The following STPG2 variants were observed in gnomAD, a reference collection of about 807,000 sequenced individuals.
STPG2 encodes sperm tail PG-rich repeat containing 2.
In STPG2, 56 loss-of-function variants were observed where a neutral mutation model predicts 54.2. The ratio of observed to expected loss-of-function variants is 1.03; its 90% CI spans 0.83 to 1.29. The LOEUF is 1.29. Among genes scored for constraint, STPG2 ranks in the 50% most tolerant of loss-of-function variants. The pLI is 0.00. For synonymous variants in STPG2, 200 were observed against 181.8 expected, an observed-to-expected ratio of 1.10 and a Z score of -0.81; for missense variants, 596 against 544.9, an observed-to-expected ratio of 1.09 and a Z score of -0.93.
intron 4 of STPG2, among the ~76,000 whole-genome samples, chr4:97,513,080 C>A (rs1372855082): frequency 6.6e-6 from 1 of 152,114 alleles, no homozygotes; most frequent in Non-Finnish European, 1.5e-5. Context: ...TTCCATGACT[C>A]CTTTCTTGGA....
chr4:97,448,957 CATTA>C (rs1480611202), intron 4 of STPG2, among the ~76,000 whole-genome samples: 1 of 152,122 alleles, frequency 6.6e-6, no homozygotes, highest in African/African-American at 2.4e-5. Flanking sequence ...TATTATTTTA[CATTA>C]ATTAATAATG....
At chr4:97,956,383 T>A (rs1238828458) in intron 7 of STPG2, among the ~76,000 whole-genome samples, 2 of 151,938 alleles carry the variant, frequency 1.3e-5, no homozygotes, top group Admixed American at 1.3e-4. Context: ...CAGAAAGAGA[T>A]AAGAAAAAGT....
intron 8 of STPG2, among the ~76,000 whole-genome samples, chr4:97,892,705 C>T (rs917958240): frequency 2.6e-5 from 4 of 152,182 alleles, no homozygotes; most frequent in Admixed American, 6.5e-5. Flanking sequence ...CATGTAGATG[C>T]TGAGCACATG....
At chr4:97,561,824 T>C (rs1199530844) in intron 10 of STPG2, among the ~76,000 whole-genome samples, 1 of 152,234 alleles carries the variant, frequency 6.6e-6, no homozygotes, top group Non-Finnish European at 1.5e-5. Flanking sequence ...ACCAGTACCA[T>C]GCTGTTTTGG....
intron 8 of STPG2, among the ~76,000 whole-genome samples, chr4:97,894,226 T>A (rs780570907): frequency 1.3e-5 from 2 of 151,946 alleles, no homozygotes; most frequent in Non-Finnish European, 2.9e-5. Flanking sequence ...TTTTTTGTAA[T>A]ACAGGTGACT....
chr4:97,798,754 C>G (rs374325563), intron 9 of STPG2, among the ~76,000 whole-genome samples: 78 of 88,800 alleles, frequency 8.8e-4, no homozygotes, highest in East Asian at 1.8e-3. Flanking sequence ...CTTTCTGTCT[C>G]GTTGATCTGT....
intron 10 of STPG2, among the ~76,000 whole-genome samples, chr4:97,665,167 G>A (rs1722486941): frequency 1.3e-5 from 2 of 152,168 alleles, no homozygotes; most frequent in African/African-American, 4.8e-5. Context: ...GCTCCCCAAA[G>A]GTCTGTAGCT....
intron 4 of STPG2, among the ~76,000 whole-genome samples, chr4:97,539,835 A>T (rs565424518): frequency 5.4e-4 from 82 of 152,188 alleles, no homozygotes; most frequent in African/African-American, 1.2e-3. Context: ...ACTCAAAACC[A>T]CTCAACTACA....
intron 9 of STPG2, among the ~76,000 whole-genome samples, chr4:97,773,650 T>C (rs935886101): frequency 6.6e-6 from 1 of 152,070 alleles, no homozygotes; most frequent in African/African-American, 2.4e-5. Flanking sequence ...GCAAAAATAG[T>C]CACATTTTAT....
Position 97,463,973 on chromosome 4 carries a change from C to T in STPG2, c.462+248726G>A, listed in dbSNP as rs563576528. Among the ~76,000 whole-genome samples, 45 of 152,170 alleles carry T rather than the reference C, an allele frequency of 3.0e-4. No individual in the cohort carries two copies. In the East Asian group the frequency reaches 7.7e-3, roughly 26 times the overall value. On this transcript the variant is annotated intron_variant, in intron 4 of 4. Coordinates refer to the STPG2 transcript ENST00000522676. ...TCCTTTCTATTGCTGTATAGTATTC[C>T]GTTACATAGATGTACCAAAATTTGA...
At chr4:97,537,269 AG>A (rs753983053) in intron 4 of STPG2, among the ~76,000 whole-genome samples, 7 of 152,184 alleles carry the variant, frequency 4.6e-5, no homozygotes, top group Non-Finnish European at 7.3e-5. Context: ...GGGAAGCACA[AG>A]GGGTCAGGGA....
At chr4:98,085,540 CT>C (rs1223798055) in intron 5 of STPG2, among the ~76,000 whole-genome samples, 1 of 152,030 alleles carries the variant, frequency 6.6e-6, no homozygotes, top group African/African-American at 2.4e-5. Flanking sequence ...TATATCTCAA[CT>C]TTTTTAGATC....
intron 4 of STPG2, among the ~76,000 whole-genome samples, chr4:98,108,921 C>G (rs1354415750): frequency 6.6e-6 from 1 of 151,938 alleles, no homozygotes; most frequent in African/African-American, 2.4e-5. Context: ...AGGAGAAATA[C>G]CTAATATAGA....
intron 9 of STPG2, among the ~76,000 whole-genome samples, chr4:97,756,269 C>T (rs113725430): frequency 0.023 from 3,559 of 152,126 alleles, 64 homozygotes; most frequent in Non-Finnish European, 0.038. Flanking sequence ...AATGAGATTG[C>T]GTTTCTTAAT....
chr4:97,884,360 A>T (rs1730486062), intron 8 of STPG2, among the ~76,000 whole-genome samples: 1 of 152,206 alleles, frequency 6.6e-6, no homozygotes, highest in Non-Finnish European at 1.5e-5. Context: ...ATGGTAATTA[A>T]GTTAAAATGG....
At chr4:97,816,071 C>T (rs1164153803) in intron 9 of STPG2, among the ~76,000 whole-genome samples, 2 of 152,082 alleles carry the variant, frequency 1.3e-5, no homozygotes, top group Admixed American at 1.3e-4. Flanking sequence ...TGGTGCTCCC[C>T]TCCCTGTGTC....
chr4:98,046,459 T>C (rs531111468), intron 5 of STPG2, among the ~76,000 whole-genome samples: 2 of 152,296 alleles, frequency 1.3e-5, no homozygotes, highest in Admixed American at 6.5e-5. Flanking sequence ...AGACTGGCCA[T>C]GTGTAGGAGA....
At chr4:97,861,946 T>A (rs997136031) in intron 8 of STPG2, among the ~76,000 whole-genome samples, 1 of 151,798 alleles carries the variant, frequency 6.6e-6, no homozygotes. Context: ...AAGGAACAAC[T>A]GGTACCAGCC....
intron 4 of STPG2, among the ~76,000 whole-genome samples, chr4:97,536,956 G>C (rs922009647): frequency 6.6e-6 from 1 of 152,116 alleles, no homozygotes; most frequent in Non-Finnish European, 1.5e-5. Context: ...TCTAGCCTCT[G>C]TTTTCCTAGA....
Sources: gnomAD v4.1 joint callset for allele counts (sites outside exome capture counted in the v4.1 genomes callset) on GRCh38, gnomAD v4.1.1 for gene constraint, MANE v1.5 for transcripts, NCBI Gene and HGNC (gene_info 2026-07-23, HGNC 2026-07-21) for gene names.